Variants in EPB41L1 observed in about 807,000 individuals in gnomAD.
The protein encoded by EPB41L1 is erythrocyte membrane protein band 4.1 like 1, also known as band 4.1-like protein 1.
Under a neutral mutation model 97.8 loss-of-function variants are expected in EPB41L1, and 29 were observed. The ratio of observed to expected loss-of-function variants is 0.30; its 90% confidence interval spans 0.22 to 0.40. The LOEUF (loss-of-function observed/expected upper bound fraction) is 0.40, where lower values mean the gene tolerates loss of function less well. Among genes scored for constraint, EPB41L1 ranks in the 10% least tolerant of loss-of-function variants. The probability of loss-of-function intolerance (pLI) is 1.00; values close to 1 mark genes in which losing one functional copy is unlikely to be tolerated. For synonymous variants in EPB41L1, 383 were observed against 459.2 expected (o/e 0.83, Z 2.12); for missense variants, 812 against 1,162.3 (o/e 0.70, Z 4.38).
At chr20:36,166,489 A>C in intron 1 of EPB41L1, among the ~76,000 whole-genome samples, 1 of 152,212 alleles carries the variant, frequency 6.6e-6, no homozygotes, top group East Asian at 1.9e-4. Context: ...ATGGCTAACC[A>C]GACAAAATTC....
intron 1 of EPB41L1, chr20:36,155,792 A>G (rs918247165): frequency 2.4e-5 from 9 of 382,374 alleles, no homozygotes; most frequent in African/African-American, 1.5e-4. Flanking sequence ...TCCCACATTC[A>G]CTTCTGGATC....
At position 36,188,349 on chromosome 20, in the gene EPB41L1, C is replaced by T. The variant is rs1018806812; in HGVS notation, c.876C>T (p.Asp292=). ...MYGVDLHHAK[D]SEGIDIMLGV... ...TTCCATGGTCTCTTCTCATGCAGGA[C>T]TCTGAGGGCATCGACATCATGTTAG... is the stretch of plus-strand genomic sequence containing the variant. Residue 292 remains aspartate, a splice_region_variant and synonymous_variant, in exon 9 of 22, where the codon GAC becomes GAT. Transcript: ENST00000338074. 2 of 1,613,390 alleles carry T rather than the reference C, an allele frequency of 1.2e-6. No individual in the cohort carries two copies. The highest frequency in any genetic ancestry group is 1.7e-6 in the Non-Finnish European group (2 of 1,179,994).
rs1431157500 is a variant in EPB41L1, at chr20:36,207,243, A to G, written c.1669-2245A>G. 1.6e-6 allele frequency: 2 copies of G among 1,279,418 alleles called. No homozygotes were observed. Among genetic ancestry groups the G allele is most frequent in the African/African-American group, 1.5e-5 (1 of 65,492 alleles). The allele number at this position is 1,279,418 out of a possible 1,614,324, so 79.3% of individuals were successfully genotyped here. ...CCAGCCCAGAGCCCAAGGACCAAGT[A>G]GGGTTTGTGGTGTCCCCTGCCACAG... On this transcript the variant is annotated intron_variant, in intron 14 of 21. Transcript: ENST00000338074. This position sits in a 1 kb window ranked among gnomAD's most constrained non-coding sequence, Gnocchi z 4.9.
chr20:36,122,020 T>C (rs1164971157), intron 2 of EPB41L1, among the ~76,000 whole-genome samples: 3 of 152,180 alleles, frequency 2.0e-5, no homozygotes, highest in Non-Finnish European at 4.4e-5. Flanking sequence ...GGAACCCAGA[T>C]CTACTGATCC....
At position 36,229,561 on chromosome 20, in the gene EPB41L1, C is replaced by T; in HGVS notation, c.*221C>T. Reference sequence around the variant, plus strand: ...ATCCTTGCACTGCTGCTGGGGCTGGCAGAGCAGTTGGCTGACAGCAACAAC... The same window carrying T: ...ATCCTTGCACTGCTGCTGGGGCTGGTAGAGCAGTTGGCTGACAGCAACAAC... On this transcript the variant is annotated 3_prime_UTR_variant, in exon 22 of 22. Transcript: ENST00000338074. The T allele has an allele frequency of 2.4e-6, 1 of 423,386 alleles. No individual in the cohort carries two copies. The highest frequency in any genetic ancestry group is 7.5e-5 in the South Asian group (1 of 13,364). 26.2% of individuals were successfully genotyped at this position (423,386 alleles called of 1,614,324 possible).
At chr20:36,188,236 TC>T in intron 8 of EPB41L1, 110 bp from the exon 9 acceptor site, 1 of 1,451,206 alleles carries the variant, frequency 6.9e-7, no homozygotes, top group Non-Finnish European at 9.7e-7. Context: ...CTAACCCTGT[TC>T]CTGAGAGCTC....
intron 20 of EPB41L1, 57 bp from the exon 21 acceptor site, chr20:36,222,221 A>G (rs762515673): frequency 2.4e-5 from 35 of 1,463,282 alleles, no homozygotes; most frequent in Non-Finnish European, 1.2e-5. Context: ...TGTTCTTCAC[A>G]GTCTCTCTCG....
Position 36,212,436 on chromosome 20 carries a change from C to T in EPB41L1, c.2184+60C>T, listed in dbSNP as rs1398448908. 1.4e-6 allele frequency: 2 copies of T among 1,471,966 alleles called. No homozygotes were observed. The highest frequency in any genetic ancestry group is 3.4e-5 in the Admixed American group (2 of 58,556). 91.2% of individuals were successfully genotyped at this position (1,471,966 alleles called of 1,614,324 possible). Reference sequence around the variant, plus strand: ...GTATTGGGCATTTGGTGGTAGGGTCCCCACTGCTGTGGCCAAACCCCTTGG... The same window carrying T: ...GTATTGGGCATTTGGTGGTAGGGTCTCCACTGCTGTGGCCAAACCCCTTGG... On this transcript the variant is annotated intron_variant, in intron 16 of 21. Coordinates refer to ENST00000338074, the MANE Select transcript of EPB41L1 (RefSeq NM_012156.2). The surrounding 1 kb of genome is among the most constrained non-coding windows in gnomAD (Gnocchi z 4.8).
intron 2 of EPB41L1, among the ~76,000 whole-genome samples, chr20:36,136,889 A>T (rs1363682312): frequency 6.6e-6 from 1 of 151,596 alleles, no homozygotes; most frequent in Non-Finnish European, 1.5e-5. Flanking sequence ...TTAATTTTTT[A>T]AAATTTACTT....
At chr20:36,185,833 A>T (rs1189813475) in intron 7 of EPB41L1, among the ~76,000 whole-genome samples, 1 of 152,058 alleles carries the variant, frequency 6.6e-6, no homozygotes, top group African/African-American at 2.4e-5. Flanking sequence ...ACCCTGTAGG[A>T]TTGTTGGGAA....
At chr20:36,156,419 C>A (rs2060303064) in intron 1 of EPB41L1, among the ~76,000 whole-genome samples, 1 of 152,330 alleles carries the variant, frequency 6.6e-6, no homozygotes, top group Middle Eastern at 3.4e-3. Flanking sequence ...AATGCTTGGT[C>A]AGGTAGTCCT....
chr20:36,209,887 C>T lies in EPB41L1; in HGVS notation c.2068C>T (p.Pro690Ser), dbSNP rs778803277. 3.7e-6 allele frequency: 6 copies of T among 1,613,096 alleles called. No individual in the cohort carries two copies. The Admixed American group carries it at 6.7e-5, about 18-fold the overall frequency. Reference sequence around the variant, plus strand: ...AGGGGCCTGCTCCACCCCGGATATGCCCCAGTTTGAGGTACAGTGGAGCTT... The same window carrying T: ...AGGGGCCTGCTCCACCCCGGATATGTCCCAGTTTGAGGTACAGTGGAGCTT... ...DRGACSTPDM[P>S]QFEPVKTETM... is the part of the protein sequence containing the mutation. The change falls in exon 15 of 22, where the codon CCC (proline) becomes TCC (serine). Residue 690 changes from proline to serine, a missense_variant. Transcript: ENST00000338074. The surrounding 1 kb of genome is among the most constrained non-coding windows in gnomAD (Gnocchi z 4.2).
chr20:36,127,574 A>G (rs1156796707), intron 2 of EPB41L1, among the ~76,000 whole-genome samples: 1 of 152,170 alleles, frequency 6.6e-6, no homozygotes, highest in Non-Finnish European at 1.5e-5. Flanking sequence ...TTCTAGGTCC[A>G]GGAAAGCTAG....
intron 21 of EPB41L1, among the ~76,000 whole-genome samples, chr20:36,228,729 C>A (rs1430291374): frequency 6.6e-6 from 1 of 152,146 alleles, no homozygotes; most frequent in African/African-American, 2.4e-5. Flanking sequence ...ATCCAGACTT[C>A]ATTTCTTTAT....
chr20:36,175,122 T>C (rs2061170910), intron 2 of EPB41L1, among the ~76,000 whole-genome samples: 2 of 152,174 alleles, frequency 1.3e-5, no homozygotes, highest in Admixed American at 1.3e-4. Context: ...GGCAGGTCTC[T>C]GGCCTTTCTC....
chr20:36,138,939 C>T (rs2059529380), intron 2 of EPB41L1, among the ~76,000 whole-genome samples: 1 of 152,100 alleles, frequency 6.6e-6, no homozygotes, highest in Non-Finnish European at 1.5e-5. Flanking sequence ...CTTTGAACAA[C>T]TTAAGTAAAG....
rs1277800900 is a variant in EPB41L1, at chr20:36,206,912, C to G, written c.1669-2576C>G. The G allele has an allele frequency of 7.8e-7, 1 of 1,289,814 alleles. No individual in the cohort carries two copies. The highest frequency in any genetic ancestry group is 1.0e-6 in the Non-Finnish European group (1 of 988,904). The allele number at this position is 1,289,814 out of a possible 1,614,324, so 79.9% of individuals were successfully genotyped here. On this transcript the variant is annotated intron_variant, in intron 14 of 21. Transcript: ENST00000338074. The surrounding 1 kb of genome is among the most constrained non-coding windows in gnomAD (Gnocchi z 5.5). ...AGAGGACAGGGCGTGCATCCCGACC[C>G]CCAGGCCTGCGCCCTTCCTCGGGCC...
chr20:36,129,515 G>A (rs1240938594), intron 2 of EPB41L1, among the ~76,000 whole-genome samples: 1 of 152,060 alleles, frequency 6.6e-6, no homozygotes, highest in Non-Finnish European at 1.5e-5. Flanking sequence ...AGGCATAAGG[G>A]CAAGCATTGG....
intron 2 of EPB41L1, among the ~76,000 whole-genome samples, chr20:36,124,817 G>A (rs1490797597): frequency 2.6e-5 from 4 of 152,226 alleles, no homozygotes; most frequent in East Asian, 1.9e-4. Context: ...TGCTGGTTGA[G>A]TGCCTGGCAT....
Sources: allele counts gnomAD v4.1 joint callset (sites outside exome capture counted in the v4.1 genomes callset), GRCh38; gene constraint gnomAD v4.1.1; non-coding constraint Gnocchi (gnomAD v3.1); transcripts MANE v1.5; gene names NCBI Gene and HGNC (gene_info 2026-07-23, HGNC 2026-07-21).